Variants in PLPP1 observed in about 807,000 individuals in gnomAD.
PLPP1 encodes the protein lipid phosphate phosphohydrolase 1a.
In PLPP1, 24 loss-of-function variants were observed where a neutral mutation model predicts 31.2. That is an observed-to-expected ratio of 0.77 (90% confidence interval 0.56 to 1.08). The LOEUF (loss-of-function observed/expected upper bound fraction) is 1.08, where lower values mean the gene tolerates loss of function less well. Ranked by LOEUF, PLPP1 falls within the 50% of genes least tolerant of loss-of-function variation. The pLI is 0.00. For missense variants in PLPP1, 319 were observed against 342.7 expected (o/e 0.93, Z 0.55); for synonymous variants, 146 against 126.3 (o/e 1.16, Z -1.05).
chr5:55,496,752 G>A (rs540726365), intron 1 of PLPP1, among the ~76,000 whole-genome samples: 1 of 152,218 alleles, frequency 6.6e-6, no homozygotes, highest in South Asian at 2.1e-4. Flanking sequence ...ATATGTTGAG[G>A]AAAACAGACA....
intron 1 of PLPP1, among the ~76,000 whole-genome samples, chr5:55,495,885 T>C (rs1752994360): frequency 1.3e-5 from 2 of 152,122 alleles, no homozygotes; most frequent in South Asian, 4.1e-4. Context: ...GACAGAGTCT[T>C]GCTCTGTCGC....
chr5:55,494,192 AG>A lies in PLPP1; in HGVS notation c.59-18743del, dbSNP rs544350995. 1.3e-3 allele frequency among the ~76,000 whole-genome samples: 190 copies of A among 151,884 alleles called. 1 individual carries two copies. Among genetic ancestry groups the A allele is most frequent in the Admixed American group, 4.3e-3 (66 of 15,260 alleles). ...AATTAACTTCCAGGAAAAAAAAAAA[AG>A]GGAGAGAGAGAGCAAGAAGAAACAC... On this transcript the variant is annotated intron_variant, in intron 1 of 5. Transcript: ENST00000307259.
intron 3 of PLPP1, among the ~76,000 whole-genome samples, chr5:55,463,801 A>G (rs1051041604): frequency 6.8e-6 from 1 of 147,540 alleles, no homozygotes; most frequent in Non-Finnish European, 1.5e-5. Context: ...AAATAAATAA[A>G]TAAATAAATA....
intron 1 of PLPP1, among the ~76,000 whole-genome samples, chr5:55,490,217 C>A (rs925175634): frequency 1.8e-4 from 23 of 128,542 alleles, no homozygotes; most frequent in African/African-American, 6.2e-4. Flanking sequence ...ATGGCATGAT[C>A]TTGGCTCACT....
chr5:55,447,119 T>C (rs1455923989), intron 3 of PLPP1, among the ~76,000 whole-genome samples: 1 of 152,258 alleles, frequency 6.6e-6, no homozygotes, highest in Non-Finnish European at 1.5e-5. Flanking sequence ...TAACGTATCA[T>C]GTAGCACGTT....
intron 3 of PLPP1, among the ~76,000 whole-genome samples, chr5:55,462,002 AGACCC>A (rs1752176518): frequency 6.6e-6 from 1 of 152,202 alleles, no homozygotes; most frequent in African/African-American, 2.4e-5. Context: ...TGCAAGACCC[AGACCC>A]TGAAAACTAA....
intron 1 of PLPP1, among the ~76,000 whole-genome samples, chr5:55,494,031 A>G (rs1752953214): frequency 1.3e-5 from 2 of 152,168 alleles, no homozygotes; most frequent in Admixed American, 6.5e-5. Flanking sequence ...GGTGCAGAGC[A>G]AGACTCCCAA....
intron 1 of PLPP1, among the ~76,000 whole-genome samples, chr5:55,494,113 T>C (rs1031430085): frequency 1.3e-5 from 2 of 151,648 alleles, no homozygotes; most frequent in Non-Finnish European, 1.5e-5. Context: ...AAATAAAATA[T>C]CACTGTCCTC....
chr5:55,458,915 A>AAAAAAAAAAAAC (rs1561231077), intron 3 of PLPP1, among the ~76,000 whole-genome samples: 12 of 149,058 alleles, frequency 8.1e-5, no homozygotes, highest in African/African-American at 2.7e-4. Context: ...AAAAAAAAAA[A>AAAAAAAAAAAAC]ACACATAGCA....
chr5:55,485,711 T>G (rs1752762219), intron 1 of PLPP1, among the ~76,000 whole-genome samples: 1 of 151,866 alleles, frequency 6.6e-6, no homozygotes, highest in African/African-American at 2.4e-5. Flanking sequence ...CAAATGAAAA[T>G]ATCTCATATA....
chr5:55,474,002 T>TGTTTTC (rs1456463091), intron 2 of PLPP1, among the ~76,000 whole-genome samples: 2 of 137,706 alleles, frequency 1.5e-5, no homozygotes, highest in Non-Finnish European at 3.2e-5. Flanking sequence ...TTGTTGTTTT[T>TGTTTTC]TTTTTTTTTT....
At position 55,437,209 on chromosome 5, in the gene PLPP1, T is replaced by C. The variant is rs1191618061; in HGVS notation, c.549+4642A>G. ...AAATTTCTGAAACATTTAACTTCCA[T>C]TAAAGGATCTAATTAGAATATCTCA... is the stretch of plus-strand genomic sequence containing the variant. On this transcript the variant is annotated intron_variant, in intron 4 of 5. Transcript: ENST00000307259. Among the ~76,000 whole-genome samples, 4 of 152,230 alleles carry C rather than the reference T, an allele frequency of 2.6e-5. No individual in the cohort carries two copies. In the East Asian group the frequency reaches 7.7e-4, roughly 29 times the overall value.
At chr5:55,486,237 T>A (rs1375567225) in intron 1 of PLPP1, among the ~76,000 whole-genome samples, 1 of 152,182 alleles carries the variant, frequency 6.6e-6, no homozygotes, top group African/African-American at 2.4e-5. Flanking sequence ...TTTCTAGTCA[T>A]GCCCTTTCCC....
At chr5:55,473,704 C>T (rs954911257) in intron 2 of PLPP1, among the ~76,000 whole-genome samples, 2 of 152,026 alleles carry the variant, frequency 1.3e-5, no homozygotes, top group African/African-American at 2.4e-5. Flanking sequence ...GTTGCCCAAG[C>T]TGGAATGCCG....
chr5:55,506,229 G>C (rs1285118018), intron 1 of PLPP1, among the ~76,000 whole-genome samples: 1 of 98,228 alleles, frequency 1.0e-5, no homozygotes, highest in Non-Finnish European at 2.2e-5. Flanking sequence ...TTTAGCTTAA[G>C]AATATAAAAG....
At chr5:55,435,171 G>C (rs534860535) in intron 4 of PLPP1, among the ~76,000 whole-genome samples, 26 of 152,248 alleles carry the variant, frequency 1.7e-4, no homozygotes, top group Admixed American at 6.5e-4. Context: ...CCAGGAAAAT[G>C]CAAGTCAAAA....
chr5:55,478,473 C>T (rs558648937), intron 1 of PLPP1, among the ~76,000 whole-genome samples: 15 of 152,132 alleles, frequency 9.9e-5, no homozygotes, highest in African/African-American at 3.1e-4. Context: ...GTGTGATATT[C>T]GATAAGCCAG....
At position 55,529,032 on chromosome 5, in the gene PLPP1, T is replaced by C. The variant is rs185216251; in HGVS notation, c.58+5540A>G. On this transcript the variant is annotated intron_variant, in intron 1 of 5. Transcript: ENST00000307259. Reference sequence around the variant, plus strand: ...ATCTGAGAATAAGAAATGAGCACCATACAAACAGGTAATTGTGTGTGTGTG... The same window carrying C: ...ATCTGAGAATAAGAAATGAGCACCACACAAACAGGTAATTGTGTGTGTGTG... Among the ~76,000 whole-genome samples the C allele has an allele frequency of 2.4e-3, 361 of 152,226 alleles. 3 individuals carry two copies. Among genetic ancestry groups the C allele is most frequent in the African/African-American group, 8.1e-3 (337 of 41,536 alleles).
chr5:55,449,541 C>A (rs1351010277), intron 3 of PLPP1, among the ~76,000 whole-genome samples: 1 of 152,168 alleles, frequency 6.6e-6, no homozygotes, highest in Non-Finnish European at 1.5e-5. Context: ...TCCCTACCTA[C>A]AAACTCATGC....
Sources: allele counts gnomAD v4.1 joint callset (sites outside exome capture counted in the v4.1 genomes callset), GRCh38; gene constraint gnomAD v4.1.1; transcripts MANE v1.5; gene names NCBI Gene and HGNC (gene_info 2026-07-23, HGNC 2026-07-21).